The following PDE1C variants were observed in gnomAD, a reference collection of about 807,000 sequenced individuals.
PDE1C encodes the protein dual specificity calcium/calmodulin-dependent 3',5'-cyclic nucleotide phosphodiesterase 1C.
A neutral mutation model predicts 93.1 loss-of-function variants in PDE1C; 62 were observed. The ratio of observed to expected loss-of-function variants is 0.67; its 90% CI spans 0.54 to 0.82. The LOEUF is 0.82. PDE1C is among the 40% of genes least tolerant of loss of function. The pLI is 0.00. For synonymous variants in PDE1C, 325 were observed against 310.1 expected, an observed-to-expected ratio of 1.05 and a Z score of -0.50; for missense variants, 742 against 884.6, an observed-to-expected ratio of 0.84 and a Z score of 2.04.
downstream of PDE1C, among the ~76,000 whole-genome samples, chr7:31,746,250 G>A (rs1162120414): frequency 1.3e-5 from 2 of 152,350 alleles, no homozygotes; most frequent in Admixed American, 6.5e-5. Context: ...GGTAGAAGCA[G>A]AATCCCAGAG....
chr7:32,276,509 T>A (rs1811298218), intron 1 of PDE1C, among the ~76,000 whole-genome samples: 1 of 152,176 alleles, frequency 6.6e-6, no homozygotes, highest in African/African-American at 2.4e-5. Flanking sequence ...GAATGGAACC[T>A]GAGGATCTAG....
At chr7:31,706,116 T>C in the PDE1C span, among the ~76,000 whole-genome samples, 3 of 149,568 alleles carry the variant, frequency 2.0e-5, no homozygotes, top group South Asian at 6.5e-4. Flanking sequence ...GGGATTCTTC[T>C]GTCTCAGCCT....
the PDE1C span, among the ~76,000 whole-genome samples, chr7:31,741,185 C>G: frequency 6.6e-6 from 1 of 151,346 alleles, no homozygotes; most frequent in South Asian, 2.1e-4. Context: ...GACTTTTCAC[C>G]TTTTTTATTT....
intron 3 of PDE1C, among the ~76,000 whole-genome samples, chr7:32,132,122 G>A (rs766961739): frequency 1.3e-5 from 2 of 152,024 alleles, no homozygotes; most frequent in African/African-American, 4.8e-5. Context: ...TTAGGTAAAG[G>A]GTGCTTCAAG....
the PDE1C span, among the ~76,000 whole-genome samples, chr7:31,672,719 C>G: frequency 1.3e-5 from 2 of 152,186 alleles, no homozygotes; most frequent in African/African-American, 4.8e-5. Context: ...CATCAGCCAT[C>G]ATCACTCCTC....
intron 1 of PDE1C, among the ~76,000 whole-genome samples, chr7:32,226,368 C>T (rs1470493988): frequency 6.6e-6 from 1 of 152,216 alleles, no homozygotes; most frequent in Non-Finnish European, 1.5e-5. Flanking sequence ...CTTCCTGACA[C>T]ACTGTGAAAT....
chr7:32,047,124 A>C (rs980490008), intron 2 of PDE1C, among the ~76,000 whole-genome samples: 2 of 151,304 alleles, frequency 1.3e-5, no homozygotes, highest in African/African-American at 4.9e-5. Context: ...TTCAGCTTGC[A>C]ACATCAGCTC....
the PDE1C span, among the ~76,000 whole-genome samples, chr7:31,719,180 A>T: frequency 3.3e-5 from 5 of 152,196 alleles, no homozygotes; most frequent in Non-Finnish European, 7.3e-5. Context: ...TTTTGACAAG[A>T]ATGCTTCCTG....
intron 1 of PDE1C, among the ~76,000 whole-genome samples, chr7:32,373,418 TAAG>T (rs1438338595): frequency 6.6e-6 from 1 of 152,194 alleles, no homozygotes; most frequent in Non-Finnish European, 1.5e-5. Flanking sequence ...TAGGCAAATC[TAAG>T]AAGACAGAAA....
At chr7:31,979,431 C>T (rs561482480) in intron 2 of PDE1C, among the ~76,000 whole-genome samples, 18 of 152,310 alleles carry the variant, frequency 1.2e-4, no homozygotes, top group South Asian at 8.3e-4. Context: ...AAATGTGCTA[C>T]GTACTACTCT....
At chr7:31,722,927 A>G in the PDE1C span, among the ~76,000 whole-genome samples, 1 of 152,124 alleles carries the variant, frequency 6.6e-6, no homozygotes, top group Admixed American at 6.5e-5. Flanking sequence ...TGAGTGTGTC[A>G]TATGTTTTCT....
chr7:32,036,287 A>G (rs534333236), intron 2 of PDE1C, among the ~76,000 whole-genome samples: 1 of 152,250 alleles, frequency 6.6e-6, no homozygotes, highest in Non-Finnish European at 1.5e-5. Flanking sequence ...CTAGGTAACA[A>G]TAGGGGTATG....
intron 1 of PDE1C, among the ~76,000 whole-genome samples, chr7:32,411,418 C>G (rs907556307): frequency 6.6e-6 from 1 of 152,212 alleles, no homozygotes; most frequent in South Asian, 2.1e-4. Flanking sequence ...TGTTACAGTA[C>G]TAAATCCTGT....
intron 2 of PDE1C, among the ~76,000 whole-genome samples, chr7:32,207,934 C>T (rs1417164866): frequency 1.6e-4 from 24 of 152,120 alleles, no homozygotes; most frequent in Admixed American, 1.6e-3. Context: ...GGTTGGGTCA[C>T]GATTCATGCT....
intron 3 of PDE1C, among the ~76,000 whole-genome samples, chr7:32,126,585 A>G (rs1172793793): frequency 1.3e-5 from 2 of 152,222 alleles, no homozygotes; most frequent in African/African-American, 4.8e-5. Context: ...CTCAATTTGC[A>G]TAACTCAGAA....
upstream of PDE1C, among the ~76,000 whole-genome samples, chr7:32,303,642 G>C (rs1562663928): frequency 6.6e-6 from 1 of 152,132 alleles, no homozygotes. Context: ...AAACGGGGAA[G>C]ATAAAAAGTG....
At chr7:31,792,669 C>T (rs915361541) in intron 16 of PDE1C, among the ~76,000 whole-genome samples, 1 of 152,042 alleles carries the variant, frequency 6.6e-6, no homozygotes, top group African/African-American at 2.4e-5. Flanking sequence ...GTCCTCTTTT[C>T]ACTCCACATC....
chr7:32,099,464 A>G (rs1326267034), intron 3 of PDE1C, among the ~76,000 whole-genome samples: 1 of 152,208 alleles, frequency 6.6e-6, no homozygotes, highest in Non-Finnish European at 1.5e-5. Flanking sequence ...AAAATGTTGG[A>G]TTAAGAGATA....
chr7:32,105,760 A>G (rs1470344291), intron 3 of PDE1C, among the ~76,000 whole-genome samples: 1 of 151,100 alleles, frequency 6.6e-6, no homozygotes, highest in East Asian at 2.0e-4. Context: ...TCCTGGGCTC[A>G]AGCAATCCTC....
Sources: gnomAD v4.1 joint callset for allele counts (sites outside exome capture counted in the v4.1 genomes callset) on GRCh38, gnomAD v4.1.1 for gene constraint, MANE v1.5 for transcripts, NCBI Gene and HGNC (gene_info 2026-07-23, HGNC 2026-07-21) for gene names.